VASH2: variants seen among roughly 807,000 people sequenced by gnomAD.
VASH2 encodes tubulinyl-Tyr carboxypeptidase 2.
VASH2 carries 28 observed loss-of-function variants against 37.2 expected under a neutral mutation model. The ratio of observed to expected loss-of-function variants is 0.75; its 90% CI spans 0.56 to 1.03. VASH2 has a LOEUF of 1.03. VASH2 is among the 50% of genes least tolerant of loss of function. The pLI is 0.00. For synonymous variants in VASH2, 188 were observed against 174.7 expected (o/e 1.08, Z -0.60); for missense variants, 419 against 459.1 (o/e 0.91, Z 0.80).
intron 7 of VASH2, among the ~76,000 whole-genome samples, chr1:212,978,849 C>G (rs1026204779): frequency 1.3e-5 from 2 of 152,194 alleles, no homozygotes; most frequent in Non-Finnish European, 2.9e-5. Flanking sequence ...ACCCTTGCCA[C>G]TTCTTTTCTC....
chr1:212,965,599 T>C, intron 3 of VASH2, 123 bp from the exon 4 acceptor site: 1 of 823,384 alleles, frequency 1.2e-6, no homozygotes, highest in Non-Finnish European at 2.0e-6. Context: ...TTCTGGGTGC[T>C]GGCGACTTCT....
At chr1:212,974,137 A>G in intron 7 of VASH2, 67 bp downstream of exon 7, 1 of 1,498,110 alleles carries the variant, frequency 6.7e-7, no homozygotes, top group South Asian at 1.3e-5. Context: ...GTCCTGGCCC[A>G]TGGGGACAAA....
chr1:212,958,017 A>G (rs936110135), intron 2 of VASH2, among the ~76,000 whole-genome samples: 1 of 152,158 alleles, frequency 6.6e-6, no homozygotes, highest in Non-Finnish European at 1.5e-5. Context: ...TACTATTCCT[A>G]TTTTATCAGG....
chr1:212,968,304 G>A (rs1184626597), intron 5 of VASH2: 24 of 985,316 alleles, frequency 2.4e-5, no homozygotes, highest in Non-Finnish European at 2.9e-5. Context: ...TTGGCACAAA[G>A]AGCCCATGAA....
intron 2 of VASH2, among the ~76,000 whole-genome samples, chr1:212,955,930 C>T (rs1455857298): frequency 6.6e-6 from 1 of 152,232 alleles, no homozygotes; most frequent in Non-Finnish European, 1.5e-5. Context: ...GCCTCTGTTG[C>T]AGGAGCCTGG....
intron 7 of VASH2, among the ~76,000 whole-genome samples, chr1:212,984,237 G>A (rs535805757): frequency 4.8e-4 from 73 of 152,278 alleles, no homozygotes; most frequent in African/African-American, 1.7e-3. Flanking sequence ...CAGAACACAG[G>A]TAATGGTAAA....
At chr1:212,980,955 T>C (rs1667321021) in intron 7 of VASH2, among the ~76,000 whole-genome samples, 2 of 152,246 alleles carry the variant, frequency 1.3e-5, no homozygotes, top group South Asian at 4.1e-4. Flanking sequence ...CAGGGATGCT[T>C]GGAGAAACCA....
chr1:212,968,342 A>G, intron 5 of VASH2: 1 of 985,416 alleles, frequency 1.0e-6, no homozygotes, highest in African/African-American at 1.7e-5. Context: ...AGAGAGGTAG[A>G]AAGAAAACCA....
At chr1:212,955,866 CGTCT>C (rs549280729) in intron 2 of VASH2, among the ~76,000 whole-genome samples, 20 of 152,308 alleles carry the variant, frequency 1.3e-4, no homozygotes, top group South Asian at 4.1e-4. Flanking sequence ...GAGAACCTTC[CGTCT>C]GTCTGTCTGT....
Position 212,980,498 on chromosome 1 carries a change from C to T in VASH2, c.995+6428C>T, listed in dbSNP as rs140066575. ...TCTCTGTGGCAGTTCATGGCTCCAG[C>T]GGGCTCTGTCTGCCCTGCTGGACAC... is the stretch of plus-strand genomic sequence containing the variant. On this transcript the variant is annotated intron_variant, in intron 7 of 7. Coordinates refer to ENST00000517399, the MANE Select transcript of VASH2 (RefSeq NM_001301056.2). 9.3e-4 allele frequency among the ~76,000 whole-genome samples: 141 copies of T among 152,254 alleles called. 1 individual carries two copies. The highest frequency in any genetic ancestry group is 3.2e-3 in the African/African-American group (132 of 41,540).
chr1:212,965,903 G>A (rs1260931341), intron 4 of VASH2, 125 bp downstream of exon 4: 19 of 991,712 alleles, frequency 1.9e-5, no homozygotes, highest in African/African-American at 1.6e-4. Context: ...GGGTGGAGGC[G>A]GAGGGTGCCC....
At chr1:212,988,433 G>C in intron 7 of VASH2, 79 bp from the exon 8 acceptor site, 1 of 1,451,912 alleles carries the variant, frequency 6.9e-7, no homozygotes, top group Non-Finnish European at 9.6e-7. Flanking sequence ...GGAAAACCGA[G>C]TAGAGGACCT....
At position 212,986,792 on chromosome 1, in the gene VASH2, A is replaced by C. The variant is rs58458077; in HGVS notation, c.996-1720A>C. Among the ~76,000 whole-genome samples, 480 of 152,238 alleles carry C rather than the reference A, an allele frequency of 3.2e-3. 4 individuals are homozygous for C. The highest frequency in any genetic ancestry group is 0.011 in the African/African-American group (445 of 41,524). On this transcript the variant is annotated intron_variant, in intron 7 of 7. Transcript: ENST00000517399. ...ATTTCTACTGGCAGTCAGCTGTGTT[A>C]ATTAGCATCATGTGTATGACCCAGT...
At chr1:212,965,866 C>G in intron 4 of VASH2, 88 bp downstream of exon 4, 1 of 1,329,964 alleles carries the variant, frequency 7.5e-7, no homozygotes, top group Non-Finnish European at 1.1e-6. Context: ...TCCCGTAGCC[C>G]ATGGCTCAGG....
At chr1:212,967,389 G>A in intron 5 of VASH2, 1 of 1,196,294 alleles carries the variant, frequency 8.4e-7, no homozygotes, top group Non-Finnish European at 1.1e-6. Flanking sequence ...CAATCAGATA[G>A]AAGAGCAAAG....
Position 212,988,550 on chromosome 1 carries a change from C to A in VASH2, c.1034C>A (p.Thr345Asn), listed in dbSNP as rs2075821900. ...GAAAAGAAGGTGGCTGATCTGAGCA[C>A]TCTGAATGAAGTGGGCTATCAAATC... Reference protein sequence around the residue: ...LPEKKVADLSTLNEVGYQIRI With the variant: ...LPEKKVADLSNLNEVGYQIRI The change falls in exon 8 of 8, where the codon ACT becomes AAT. Residue 345 changes from threonine to asparagine, a missense_variant. By Grantham distance (65) the Thr-to-Asn change is moderately conservative. Coordinates refer to ENST00000517399, the MANE Select transcript of VASH2 (RefSeq NM_001301056.2). 1 of 1,614,186 alleles carries A rather than the reference C, an allele frequency of 6.2e-7. No homozygotes were observed.
rs1380834841 is a variant in VASH2 at position 212,950,976 on chromosome 1, C to T, written c.-205+236C>T. ...CTCACATGCCAGCACGTTCGTGGCT[C>T]CCCTCCTCTCTTGGCCACATCTGAG... On this transcript the variant is annotated intron_variant, in intron 1 of 7. Coordinates refer to ENST00000517399, the MANE Select transcript of VASH2 (RefSeq NM_001301056.2). The surrounding 1 kb of genome is among the most constrained non-coding windows in gnomAD (Gnocchi z 5.5). 6.6e-6 allele frequency among the ~76,000 whole-genome samples: 1 copy of T among 152,250 alleles called. No homozygotes were observed. Among genetic ancestry groups the T allele is most frequent in the African/African-American group, 2.4e-5 (1 of 41,478 alleles).
chr1:212,978,384 C>A (rs1343070012), intron 7 of VASH2, among the ~76,000 whole-genome samples: 1 of 152,168 alleles, frequency 6.6e-6, no homozygotes, highest in Non-Finnish European at 1.5e-5. Flanking sequence ...GGGAGAAAGA[C>A]TGGGGAAGGG....
intron 7 of VASH2, among the ~76,000 whole-genome samples, chr1:212,987,622 A>C (rs2102666334): frequency 6.6e-6 from 1 of 152,354 alleles, no homozygotes; most frequent in South Asian, 2.1e-4. Context: ...TGTGTAACCT[A>C]AACATGTCTT....
Sources: allele counts gnomAD v4.1 joint callset (sites outside exome capture counted in the v4.1 genomes callset), GRCh38; gene constraint gnomAD v4.1.1; non-coding constraint Gnocchi (gnomAD v3.1); transcripts MANE v1.5; gene names NCBI Gene and HGNC (gene_info 2026-07-23, HGNC 2026-07-21).